Variants in FER observed in about 807,000 individuals in gnomAD.
The protein encoded by FER is tyrosine-protein kinase Fer.
Under a neutral mutation model 111.0 loss-of-function variants are expected in FER, and 63 were observed. The ratio of observed to expected loss-of-function variants is 0.57; its 90% CI spans 0.46 to 0.70. The LOEUF is 0.70. Among genes scored for constraint, FER ranks in the 30% least tolerant of loss-of-function variants. The pLI, the probability that FER is intolerant of heterozygous loss-of-function variation, is 0.00. For missense variants in FER, 914 were observed against 954.0 expected, an observed-to-expected ratio of 0.96 and a Z score of 0.55; for synonymous variants, 327 against 313.9, an observed-to-expected ratio of 1.04 and a Z score of -0.44.
rs1759436010 is a variant in FER at position 109,192,270 on chromosome 5, C to G, written c.*4695C>G. 1 of 152,182 alleles carries G rather than the reference C, an allele frequency of 6.6e-6. No individual in the cohort carries two copies. Among genetic ancestry groups the G allele is most frequent in the Non-Finnish European group, 1.5e-5 (1 of 68,018 alleles). The allele number at this position is 152,182 out of a possible 1,614,324, so 9.4% of individuals were successfully genotyped here. On this transcript the variant is annotated 3_prime_UTR_variant, in exon 20 of 20. Coordinates refer to ENST00000281092, the MANE Select transcript of FER (RefSeq NM_005246.4). ...CAAGGCAGGATGATGCACCCCCACA[C>G]AGAGTGTGGAAAAATTAAAGTGAAA...
chr5:109,151,638 A>G (rs1198685223), intron 17 of FER, among the ~76,000 whole-genome samples: 1 of 152,134 alleles, frequency 6.6e-6, no homozygotes, highest in Non-Finnish European at 1.5e-5. Flanking sequence ...GACTGGTGTC[A>G]TTACAGCAAC....
intron 1 of FER, among the ~76,000 whole-genome samples, chr5:108,755,808 A>G (rs1411839215): frequency 2.6e-5 from 4 of 151,442 alleles, no homozygotes; most frequent in Non-Finnish European, 5.9e-5. Flanking sequence ...TTTGATAACA[A>G]ATGGGTCAGT....
At chr5:108,770,743 G>C (rs1752811243) in intron 2 of FER, among the ~76,000 whole-genome samples, 1 of 152,112 alleles carries the variant, frequency 6.6e-6, no homozygotes, top group Non-Finnish European at 1.5e-5. Context: ...AAAGCATCTA[G>C]CTTGTCTAAA....
At chr5:109,071,892 A>G (rs542996856) in intron 16 of FER, among the ~76,000 whole-genome samples, 2 of 152,060 alleles carry the variant, frequency 1.3e-5, no homozygotes, top group African/African-American at 4.8e-5. Flanking sequence ...CAATGTTTAT[A>G]TAGTTCTATC....
chr5:109,044,597 C>G lies in FER; in HGVS notation c.1714-83C>G, dbSNP rs533659191. 91 of 654,418 alleles carry G rather than the reference C, an allele frequency of 1.4e-4. 1 individual carries two copies. In the South Asian group the frequency reaches 2.2e-3, roughly 16 times the overall value. The allele number at this position is 654,418 out of a possible 1,614,324, so 40.5% of individuals were successfully genotyped here. On this transcript the variant is annotated intron_variant, in intron 14 of 19. Coordinates refer to ENST00000281092, the MANE Select transcript of FER (RefSeq NM_005246.4). The stretch of plus-strand genomic sequence containing the variant: ...ATTGACATGTAGGTAAGCACCTCCT[C>G]CTCTTTGGTACCTTTCCTTGTATTT...
At chr5:108,936,090 C>A (rs1457574207) in intron 10 of FER, among the ~76,000 whole-genome samples, 3 of 151,954 alleles carry the variant, frequency 2.0e-5, no homozygotes, top group African/African-American at 7.2e-5. Context: ...GGCTGCTTGA[C>A]CACATGACGT....
At chr5:109,138,639 T>C (rs1160074825) in intron 17 of FER, among the ~76,000 whole-genome samples, 1 of 152,220 alleles carries the variant, frequency 6.6e-6, no homozygotes, top group Admixed American at 6.5e-5. Context: ...TCAAAAATTC[T>C]TGATTTCTCT....
intron 16 of FER, among the ~76,000 whole-genome samples, chr5:109,077,025 C>T (rs1309560834): frequency 1.3e-5 from 2 of 152,220 alleles, no homozygotes; most frequent in African/African-American, 4.8e-5. Flanking sequence ...TTCTTCACAT[C>T]TCTTACACTT....
intron 13 of FER, among the ~76,000 whole-genome samples, chr5:108,988,590 C>A (rs1452180700): frequency 6.6e-6 from 1 of 151,996 alleles, no homozygotes; most frequent in Non-Finnish European, 1.5e-5. Flanking sequence ...TCATAGTAGC[C>A]TTCAATGATC....
At chr5:109,010,422 A>T (rs974508622) in intron 13 of FER, among the ~76,000 whole-genome samples, 1 of 152,082 alleles carries the variant, frequency 6.6e-6, no homozygotes, top group Non-Finnish European at 1.5e-5. Flanking sequence ...CTCTCAAAGC[A>T]TTGGAATTAC....
At chr5:108,913,763 T>C (rs192388679) in intron 10 of FER, among the ~76,000 whole-genome samples, 29 of 152,282 alleles carry the variant, frequency 1.9e-4, no homozygotes, top group Admixed American at 1.8e-3. Context: ...CAGATGTCAG[T>C]CAACAGTAGA....
At chr5:108,903,814 A>C (rs1027284849) in intron 10 of FER, among the ~76,000 whole-genome samples, 1 of 152,176 alleles carries the variant, frequency 6.6e-6, no homozygotes, top group Non-Finnish European at 1.5e-5. Flanking sequence ...ATAAAGGAAA[A>C]ACCTTAATTT....
chr5:108,852,160 G>A lies in FER; in HGVS notation c.482-15607G>A, dbSNP rs538844772. On this transcript the variant is annotated intron_variant, in intron 5 of 19. Coordinates refer to ENST00000281092, the MANE Select transcript of FER (RefSeq NM_005246.4). Reference sequence around the variant, plus strand: ...GAGGATTACCTACTGCTAGAACTGTGGGGAGTAGCTGCAAGTCTCATTCAA... The same window carrying A: ...GAGGATTACCTACTGCTAGAACTGTAGGGAGTAGCTGCAAGTCTCATTCAA... 2.0e-5 allele frequency among the ~76,000 whole-genome samples: 3 copies of A among 152,306 alleles called. No homozygotes were observed. The South Asian group carries it at 6.2e-4, about 32-fold the overall frequency.
At chr5:108,789,689 G>A (rs528691876) in intron 2 of FER, among the ~76,000 whole-genome samples, 264 of 151,264 alleles carry the variant, frequency 1.7e-3, no homozygotes, top group African/African-American at 6.0e-3. Flanking sequence ...TGCAACCTCC[G>A]CTTCCCAGGT....
Position 109,047,111 on chromosome 5 carries a change from A to G in FER, c.1837A>G (p.Lys613Glu). The stretch of plus-strand genomic sequence containing the variant: ...TATTTTCATCTCATCTAGAATTCTC[A>G]AGCAATATGATCATCCCAATATTGT... ...IKFLQEAKIL[K>E]QYDHPNIVKL... The change falls in exon 16 of 20, where the codon AAG becomes GAG. Residue 613 changes from lysine (K) to glutamate (E), a missense_variant. Coordinates refer to ENST00000281092, the MANE Select transcript of FER (RefSeq NM_005246.4). The G allele has an allele frequency of 6.4e-7, 1 of 1,567,520 alleles. No individual in the cohort carries two copies. Among genetic ancestry groups the G allele is most frequent in the Non-Finnish European group, 8.7e-7 (1 of 1,147,744 alleles).
At chr5:108,893,766 A>G (rs1211203400) in intron 9 of FER, among the ~76,000 whole-genome samples, 5 of 152,160 alleles carry the variant, frequency 3.3e-5, no homozygotes, top group South Asian at 2.1e-4. Flanking sequence ...CCTTATGGTC[A>G]TAAGAGCTTG....
chr5:108,949,198 G>A (rs1757399459), intron 11 of FER, among the ~76,000 whole-genome samples: 1 of 152,046 alleles, frequency 6.6e-6, no homozygotes, highest in African/African-American at 2.4e-5. Flanking sequence ...TGGCATAGGG[G>A]AATGTAGCTA....
chr5:109,187,501 T>TATAAACCTGAAAATCGCCCTA lies in FER; in HGVS notation c.2397_2417dup (p.Pro805_Lys806insAsnLysProGluAsnArgPro), dbSNP rs1759015644. 6.2e-7 allele frequency: 1 copy of TATAAACCTGAAAATCGCCCTA among 1,613,966 alleles called. No homozygotes were observed. The highest frequency in any genetic ancestry group is 1.3e-5 in the African/African-American group (1 of 74,898). ...CAAAATCATGATGAAGTGTTGGGAT[T>TATAAACCTGAAAATCGCCCTA]ATAAACCTGAAAATCGCCCTAAGTT... On this transcript the variant is annotated inframe_insertion, in exon 20 of 20. Coordinates refer to ENST00000281092, the MANE Select transcript of FER (RefSeq NM_005246.4).
At chr5:109,163,695 G>A (rs1355702670) in intron 17 of FER, among the ~76,000 whole-genome samples, 1 of 151,910 alleles carries the variant, frequency 6.6e-6, no homozygotes, top group South Asian at 2.1e-4. Flanking sequence ...CTCCTGCCTC[G>A]GCTTCCTAGA....
Sources: gnomAD v4.1 joint callset for allele counts (sites outside exome capture counted in the v4.1 genomes callset) on GRCh38, gnomAD v4.1.1 for gene constraint, MANE v1.5 for transcripts, NCBI Gene and HGNC (gene_info 2026-07-23, HGNC 2026-07-21) for gene names.